JOSD1: variants seen among roughly 807,000 people sequenced by gnomAD.
The protein encoded by JOSD1 is Josephin domain containing 1.
Under a neutral mutation model 24.3 loss-of-function variants are expected in JOSD1, and 11 were observed. The observed-to-expected ratio is 0.45, with a 90% confidence interval of 0.29 to 0.75. The LOEUF is 0.75. Ranked by LOEUF, JOSD1 falls within the 30% of genes least tolerant of loss-of-function variation. JOSD1 has a pLI of 0.11. For missense variants in JOSD1, 184 were observed against 253.5 expected (o/e 0.73, Z 1.86); for synonymous variants, 106 against 93.8 (o/e 1.13, Z -0.75).
In JOSD1 at chr22:38,687,093, G is replaced by C. The variant is rs1379317907; in HGVS notation, c.*809C>G. On this transcript the variant is annotated 3_prime_UTR_variant, in exon 5 of 5. Transcript: ENST00000683374. The stretch of plus-strand genomic sequence containing the variant: ...CCAGCACTTTGGGAGGCCAAGGCGG[G>C]CAGATCACTTGAGGTCGGGAGTTTG... 1 of 152,302 alleles carries C rather than the reference G, an allele frequency of 6.6e-6. No homozygotes were observed. The highest frequency in any genetic ancestry group is 1.5e-5 in the Non-Finnish European group (1 of 68,100). 9.4% of individuals were successfully genotyped at this position (152,302 alleles called of 1,614,324 possible).
intron 2 of JOSD1, among the ~76,000 whole-genome samples, chr22:38,695,410 T>A (rs1240515570): frequency 1.3e-5 from 2 of 151,880 alleles, no homozygotes; most frequent in African/African-American, 4.8e-5. Context: ...TTCATTAGAT[T>A]TTTTTCCCTT....
chr22:38,700,749 G>A, intron 1 of JOSD1, 51 bp downstream of exon 1: 1 of 983,380 alleles, frequency 1.0e-6, no homozygotes, highest in Non-Finnish European at 1.2e-6. Context: ...CGGACAGTCA[G>A]CCTCGCGCTC....
rs2092503069 is a variant in JOSD1 at position 38,687,496 on chromosome 22, C to T, written c.*406G>A. The T allele has an allele frequency of 5.3e-6, 1 of 188,892 alleles. No homozygotes were observed. Among genetic ancestry groups the T allele is most frequent in the Non-Finnish European group, 1.1e-5 (1 of 91,958 alleles). 11.7% of individuals were successfully genotyped at this position (188,892 alleles called of 1,614,324 possible). A position where few individuals can be genotyped will look rare whatever the true frequency, so the allele number is the denominator to read the frequency against. On this transcript the variant is annotated 3_prime_UTR_variant, in exon 5 of 5. Coordinates refer to ENST00000683374, the MANE Select transcript of JOSD1 (RefSeq NM_001360236.2). ...GGGGTTTGTGGGCACTATCTGCAGA[C>T]CCACTGTTTTCAGACCCAGACAGGA...
chr22:38,699,552 T>G (rs972197238), intron 2 of JOSD1, among the ~76,000 whole-genome samples: 22 of 152,190 alleles, frequency 1.4e-4, no homozygotes, highest in African/African-American at 5.3e-4. Flanking sequence ...CATCACATAT[T>G]AACACGTATT....
At chr22:38,698,783 C>T (rs1421167842) in intron 2 of JOSD1, among the ~76,000 whole-genome samples, 7 of 151,768 alleles carry the variant, frequency 4.6e-5, no homozygotes, top group African/African-American at 1.5e-4. Flanking sequence ...TTTGTTTTTC[C>T]GAGACCCGTC....
rs2145798527 is a variant in JOSD1 at position 38,685,850 on chromosome 22, C to T, written c.*2052G>A. On this transcript the variant is annotated 3_prime_UTR_variant, in exon 5 of 5. Transcript: ENST00000683374. ...CCTAAGCACCAGAATTGGATATGAA[C>T]AGAGAAACCAGCCCTGAAATGTTTA... The T allele has an allele frequency of 6.5e-6, 1 of 152,760 alleles. No individual in the cohort carries two copies. The highest frequency in any genetic ancestry group is 1.5e-5 in the Non-Finnish European group (1 of 68,050). The allele number at this position is 152,760 out of a possible 1,614,324, so 9.5% of individuals were successfully genotyped here.
intron 2 of JOSD1, among the ~76,000 whole-genome samples, chr22:38,693,494 A>G (rs2092532225): frequency 6.6e-6 from 1 of 152,176 alleles, no homozygotes; most frequent in African/African-American, 2.4e-5. Flanking sequence ...AATGGTACCA[A>G]CTGCCTGGTT....
In JOSD1 at chr22:38,688,947, T is replaced by G. The variant is rs1380637058; in HGVS notation, c.497A>C (p.Glu166Ala). Residue 166 changes from glutamate to alanine, a missense_variant, in exon 4 of 5, where the codon GAG becomes GCG. Transcript: ENST00000683374. ...AGGTGCCGATTACCTGAGCTCGCTCTCGCCTCCAATCCACTCGGGCATCTT... is the reference window on the plus strand; with the variant it reads ...AGGTGCCGATTACCTGAGCTCGCTCGCGCCTCCAATCCACTCGGGCATCTT... ...KLKMPEWIGG[E>A]SELRKFLKHH... 5 of 1,613,436 alleles carry G rather than the reference T, an allele frequency of 3.1e-6. No individual in the cohort carries two copies. The South Asian group carries it at 5.5e-5, about 18-fold the overall frequency.
intron 2 of JOSD1, among the ~76,000 whole-genome samples, chr22:38,697,123 G>A (rs1478292254): frequency 6.6e-6 from 1 of 152,194 alleles, no homozygotes; most frequent in African/African-American, 2.4e-5. Context: ...TGTTCGACTC[G>A]TTTTCTCTAT....
chr22:38,694,068 G>C (rs1246711099), intron 2 of JOSD1, among the ~76,000 whole-genome samples: 1 of 152,176 alleles, frequency 6.6e-6, no homozygotes. Context: ...AAACACGTTA[G>C]GCAATTTGAA....
At chr22:38,696,158 T>C (rs944217471) in intron 2 of JOSD1, among the ~76,000 whole-genome samples, 4 of 152,282 alleles carry the variant, frequency 2.6e-5, no homozygotes, top group Non-Finnish European at 4.4e-5. Flanking sequence ...GTTTCAGGCC[T>C]GAGCATTTTC....
intron 2 of JOSD1, among the ~76,000 whole-genome samples, chr22:38,698,874 A>G (rs2092555914): frequency 6.6e-6 from 1 of 152,148 alleles, no homozygotes; most frequent in African/African-American, 2.4e-5. Context: ...CTCCTGCCTC[A>G]GCCTCCCGAC....
chr22:38,695,723 A>G (rs2145814735), intron 2 of JOSD1, among the ~76,000 whole-genome samples: 1 of 151,676 alleles, frequency 6.6e-6, no homozygotes, highest in East Asian at 2.0e-4. Context: ...CTGGGATTAC[A>G]GGCATAAGCC....
chr22:38,699,919 G>A lies in JOSD1; in HGVS notation c.69C>T (p.Pro23=). 1 of 1,614,142 alleles carries A rather than the reference G, an allele frequency of 6.2e-7. No individual in the cohort carries two copies. Among genetic ancestry groups the A allele is most frequent in the South Asian group, 1.1e-5 (1 of 91,084 alleles). The change falls in exon 2 of 5, where the codon CCC becomes CCT. Residue 23 remains proline, a synonymous_variant. Transcript: ENST00000683374. ...SESLELPQAA[P]PQIYHEKQRR... ...GCTGTTTCTCATGGTAGATTTGTGG[G>A]GGTGCTGCCTGGGGCAGCTCCAATG...
At chr22:38,688,035 G>A (rs1603133351) in intron 4 of JOSD1, 34 bp from the exon 5 acceptor site, 1 of 1,527,914 alleles carries the variant, frequency 6.5e-7, no homozygotes, top group East Asian at 2.2e-5. Flanking sequence ...ATGAAATGCT[G>A]GCAAGTTGCA....
chr22:38,701,082 C>G, upstream of JOSD1: 5 of 729,232 alleles, frequency 6.9e-6, no homozygotes, highest in South Asian at 6.1e-5. Context: ...GTCATCGGCA[C>G]CGGCCTGGGA....
At position 38,700,584 on chromosome 22, in the gene JOSD1, C is replaced by T; in HGVS notation, c.-597G>A. On this transcript the variant is annotated 5_prime_UTR_variant, in exon 2 of 5. Coordinates refer to ENST00000683374, the MANE Select transcript of JOSD1 (RefSeq NM_001360236.2). ...TGGGGCCCGCAGGGCGCGGCTCCCT[C>T]GGAAGGCGCGGATTCTAGCCCTCTG... 4 of 985,274 alleles carry T rather than the reference C, an allele frequency of 4.1e-6. No individual in the cohort carries two copies. The highest frequency in any genetic ancestry group is 1.7e-5 in the African/African-American group (1 of 57,350). The allele number at this position is 985,274 out of a possible 1,614,324, so 61.0% of individuals were successfully genotyped here.
In JOSD1 at chr22:38,694,863, CAAA is replaced by C. The variant is rs55844316; in HGVS notation, c.185+4937_185+4939del. ...GACAAGAGAGCGAGAGACTCAGTCT[CAAA>C]AAAAAAAAAAAAAAAAAAAGTGAAA... On this transcript the variant is annotated intron_variant, in intron 2 of 4. Coordinates refer to ENST00000683374, the MANE Select transcript of JOSD1 (RefSeq NM_001360236.2). Among the ~76,000 whole-genome samples, 100 of 80,742 alleles carry C rather than the reference CAAA, an allele frequency of 1.2e-3. 1 individual carries two copies. The highest frequency in any genetic ancestry group is 6.8e-3 in the Middle Eastern group (1 of 148). 53.0% of individuals were successfully genotyped at this position (80,742 alleles called of 152,430 possible).
intron 1 of JOSD1, 37 bp from the exon 2 acceptor site, chr22:38,700,655 G>C (rs1255420420): frequency 1.0e-6 from 1 of 983,060 alleles, no homozygotes. Flanking sequence ...AGCGGCGAGC[G>C]GGCGCGGGAA....
Sources: allele counts gnomAD v4.1 joint callset (sites outside exome capture counted in the v4.1 genomes callset), GRCh38; gene constraint gnomAD v4.1.1; transcripts MANE v1.5; gene names NCBI Gene and HGNC (gene_info 2026-07-23, HGNC 2026-07-21).